The following MSH6 variants were observed in gnomAD, a reference collection of about 807,000 sequenced individuals.
The protein encoded by MSH6 is mutS homolog 6, also known as DNA mismatch repair protein Msh6.
Under a neutral mutation model 119.1 loss-of-function variants are expected in MSH6, and 85 were observed. The ratio of observed to expected loss-of-function variants is 0.71; its 90% CI spans 0.60 to 0.85. The LOEUF is 0.85. MSH6 is among the 40% of genes least tolerant of loss of function. The pLI, the probability that MSH6 is intolerant of heterozygous loss-of-function variation, is 0.00. For synonymous variants in MSH6, 830 were observed against 586.9 expected (o/e 1.41, Z -5.99); for missense variants, 2,163 against 1,655.3 (o/e 1.31, Z -5.32).
chr2:47,800,533 C>G lies in MSH6; in HGVS notation c.2550C>G (p.Tyr850Ter), dbSNP rs374230313. The change falls in exon 4 of 10, where the codon TAC (tyrosine) becomes TAG (stop). Residue 850 changes from tyrosine to a stop codon, truncating the protein, a stop_gained. Transcript: ENST00000234420. LOFTEE classifies it high-confidence loss of function. ...CTATAATGTATGAAGAAACTACATA[C>G]AGCAAGAAGAAGATTATTGATTTTC... ...SRAIMYEETT[Y>*]SKKKIIDFLS... The G allele has an allele frequency of 1.9e-6, 3 of 1,613,394 alleles. No homozygotes were observed. Among genetic ancestry groups the G allele is most frequent in the Non-Finnish European group, 2.5e-6 (3 of 1,179,876 alleles).
At position 47,805,628 on chromosome 2, in the gene MSH6, A is replaced by G. The variant is rs754959739; in HGVS notation, c.3567A>G (p.Thr1189=). 2 of 1,610,894 alleles carry G rather than the reference A, an allele frequency of 1.2e-6. No individual in the cohort carries two copies. ...TTTTTTTTTTTTAAGGTGAAAGTAC[A>G]TTTTTTGTTGAATTAAGTGAAACTG... ...ASDRIMSGES[T]FFVELSETAS... The change falls in exon 7 of 10, where the codon ACA becomes ACG. Residue 1189 remains threonine (T), a synonymous_variant. Coordinates refer to ENST00000234420, the MANE Select transcript of MSH6 (RefSeq NM_000179.3).
intron 3 of MSH6, among the ~76,000 whole-genome samples, 181 bp from the exon 4 acceptor site, chr2:47,798,430 A>G (rs1207316520): frequency 6.6e-6 from 1 of 152,230 alleles, no homozygotes; most frequent in African/African-American, 2.4e-5. Flanking sequence ...ATCTAACACA[A>G]AGCCTATTTT....
intron 1 of MSH6, among the ~76,000 whole-genome samples, chr2:47,786,768 C>G (rs1401709077): frequency 1.3e-5 from 2 of 151,120 alleles, no homozygotes; most frequent in Non-Finnish European, 2.9e-5. Flanking sequence ...TAAATGTCTT[C>G]TTTCACAATG....
At chr2:47,809,696 T>C (rs1438457426), downstream of MSH6, 1 of 1,611,312 alleles carries the variant, frequency 6.2e-7, no homozygotes, top group Non-Finnish European at 8.5e-7. Context: ...GCGTGATTTG[T>C]AATTTCAATA....
At chr2:47,795,492 G>T (rs553596033) in intron 2 of MSH6, among the ~76,000 whole-genome samples, 1 of 148,820 alleles carries the variant, frequency 6.7e-6, no homozygotes, top group Non-Finnish European at 1.5e-5. Flanking sequence ...TCGAGACAGG[G>T]TCTTGCACTG....
chr2:47,786,654 G>A (rs1168719745), intron 1 of MSH6, among the ~76,000 whole-genome samples: 4 of 152,046 alleles, frequency 2.6e-5, no homozygotes, highest in African/African-American at 9.7e-5. Context: ...GTGTCTGTCC[G>A]AGCATCTTTT....
At chr2:47,807,916 AACACCC>A (rs1271514998), downstream of MSH6, 4 of 529,260 alleles carry the variant, frequency 7.6e-6, no homozygotes, top group Non-Finnish European at 1.3e-5. Flanking sequence ...GTAATGCTAA[AACACCC>A]AGCTTTGAGA....
At chr2:47,785,272 G>C (rs1558647066) in intron 1 of MSH6, among the ~76,000 whole-genome samples, 1 of 152,194 alleles carries the variant, frequency 6.6e-6, no homozygotes, top group Non-Finnish European at 1.5e-5. Flanking sequence ...CTGTCGCCCA[G>C]GCTGGAGTGC....
chr2:47,806,747 AAAACT>A, intron 9 of MSH6, 27 bp from the exon 10 acceptor site: 5 of 1,514,868 alleles, frequency 3.3e-6, no homozygotes, highest in African/African-American at 1.5e-5. Flanking sequence ...AAAAAACAAA[AAAACT>A]TTTTTTTTTT....
intron 4 of MSH6, 135 bp downstream of exon 4, chr2:47,801,290 C>CAAA: frequency 1.2e-6 from 1 of 847,838 alleles, no homozygotes; most frequent in Non-Finnish European, 1.8e-6. Context: ...TGCATCCTGA[C>CAAA]TAGGCTGCCC....
rs63750372 is a variant in MSH6, at chr2:47,798,730, G to A, written c.747G>A (p.Arg249=). ...GTAGCCGCCAAATAAAAAAACGAAG[G>A]GTCATATCAGATTCTGAGAGTGACA... ...RRSSRQIKKR[R]VISDSESDIG... is the part of the protein sequence containing the mutation. The change falls in exon 4 of 10, where the codon AGG becomes AGA. Residue 249 remains arginine, a synonymous_variant. Transcript: ENST00000234420. 3.7e-6 allele frequency: 6 copies of A among 1,613,930 alleles called. No individual in the cohort carries two copies. The South Asian group carries it at 6.6e-5, about 18-fold the overall frequency.
In MSH6 at chr2:47,800,526, C is replaced by A. The variant is rs1407456778; in HGVS notation, c.2543C>A (p.Thr848Asn). 6.2e-7 allele frequency: 1 copy of A among 1,613,164 alleles called. No individual in the cohort carries two copies. Among genetic ancestry groups the A allele is most frequent in the Non-Finnish European group, 8.5e-7 (1 of 1,179,772 alleles). ...PDSRAIMYEE[T>N]TYSKKKIIDF... ...AGCAGGGCTATAATGTATGAAGAAA[C>A]TACATACAGCAAGAAGAAGATTATT... is the stretch of plus-strand genomic sequence containing the variant. Residue 848 changes from threonine to asparagine, a missense_variant, in exon 4 of 10, where the codon ACT (threonine) becomes AAT (asparagine). Coordinates refer to ENST00000234420, the MANE Select transcript of MSH6 (RefSeq NM_000179.3).
Position 47,783,470 on chromosome 2 carries a change from G to C in MSH6, c.237G>C (p.Ser79=), listed in dbSNP as rs1187291533. Residue 79 remains serine, a synonymous_variant, in exon 1 of 10, where the codon TCG becomes TCC. Coordinates refer to ENST00000234420, the MANE Select transcript of MSH6 (RefSeq NM_000179.3). ...ACCTCAACGGAGGGCTGCGGAGATC[G>C]GTAGCGCCTGCTGCCCCCACCAGGT... ...AKNLNGGLRR[S]VAPAAPTSCD... 5 of 1,446,648 alleles carry C rather than the reference G, an allele frequency of 3.5e-6. No individual in the cohort carries two copies. The highest frequency in any genetic ancestry group is 2.8e-5 in the East Asian group (1 of 36,358). The allele number at this position is 1,446,648 out of a possible 1,614,324, so 89.6% of individuals were successfully genotyped here.
At position 47,803,382 on chromosome 2, in the gene MSH6, A is replaced by T. The variant is rs368942596; in HGVS notation, c.3173-38A>T. On this transcript the variant is annotated intron_variant, in intron 4 of 9. Coordinates refer to ENST00000234420, the MANE Select transcript of MSH6 (RefSeq NM_000179.3). ...AAACACTTAGGCTGATAAAACCCCCAAACGATGAAGCCTCACTTTTACCCT... is the reference window on the plus strand; with the variant it reads ...AAACACTTAGGCTGATAAAACCCCCTAACGATGAAGCCTCACTTTTACCCT... 3.1e-6 allele frequency: 5 copies of T among 1,614,008 alleles called. No individual in the cohort carries two copies. In the African/African-American group the frequency reaches 6.7e-5, roughly 22 times the overall value.
intron 2 of MSH6, among the ~76,000 whole-genome samples, chr2:47,792,801 C>T (rs749071212): frequency 4.6e-5 from 7 of 151,058 alleles, no homozygotes; most frequent in Non-Finnish European, 7.4e-5. Context: ...CCTCAGTAAC[C>T]GGGACTAGAG....
intron 2 of MSH6, among the ~76,000 whole-genome samples, chr2:47,795,406 G>C (rs192507255): frequency 1.4e-5 from 2 of 146,288 alleles, no homozygotes; most frequent in African/African-American, 4.9e-5. Context: ...CAAGTGTCCA[G>C]CCAACAAGTT....
In MSH6 at chr2:47,799,768, A is replaced by G. The variant is rs767325893; in HGVS notation, c.1785A>G (p.Leu595=). The change falls in exon 4 of 10, where the codon TTA becomes TTG. Residue 595 remains leucine, a synonymous_variant. Transcript: ENST00000234420. ...CACACTATCCCCCAGTACAAGTTTTATTTGAAAAAGGAAATCTCTCAAAGG... is the reference window on the plus strand; with the variant it reads ...CACACTATCCCCCAGTACAAGTTTTGTTTGAAAAAGGAAATCTCTCAAAGG... The part of the protein sequence containing the change: ...LVAHYPPVQV[L]FEKGNLSKET... 6.2e-6 allele frequency: 10 copies of G among 1,614,060 alleles called. No individual in the cohort carries two copies. In the Admixed American group the frequency reaches 1.5e-4, roughly 24 times the overall value.
chr2:47,790,413 T>TA (rs1260351664), intron 1 of MSH6, among the ~76,000 whole-genome samples: 1 of 152,134 alleles, frequency 6.6e-6, no homozygotes, highest in Non-Finnish European at 1.5e-5. Flanking sequence ...GGGAGGGTAA[T>TA]AGAGTATTAG....
chr2:47,807,129 C>T (rs1005439867), downstream of MSH6: 11 of 463,924 alleles, frequency 2.4e-5, no homozygotes, highest in African/African-American at 2.2e-4. Flanking sequence ...GGAGGAAAAG[C>T]TATGAAACTG....
Sources: allele counts gnomAD v4.1 joint callset (sites outside exome capture counted in the v4.1 genomes callset), GRCh38; gene constraint gnomAD v4.1.1; transcripts MANE v1.5; gene names NCBI Gene and HGNC (gene_info 2026-07-23, HGNC 2026-07-21).